The following CREBZF variants were observed in gnomAD, a reference collection of about 807,000 sequenced individuals.
The protein encoded by CREBZF is CREB/ATF bZIP transcription factor.
Under a neutral mutation model 21.1 loss-of-function variants are expected in CREBZF, and 8 were observed. The ratio of observed to expected loss-of-function variants is 0.38; its 90% CI spans 0.22 to 0.68. CREBZF has a LOEUF of 0.68. CREBZF is among the 30% of genes least tolerant of loss of function. The pLI is 0.51. For synonymous variants in CREBZF, 270 were observed against 223.3 expected (o/e 1.21, Z -1.86); for missense variants, 518 against 484.3 (o/e 1.07, Z -0.65).
upstream of CREBZF, among the ~76,000 whole-genome samples, chr11:85,669,695 G>A (rs2082898515): frequency 1.3e-5 from 2 of 152,236 alleles, no homozygotes; most frequent in African/African-American, 4.8e-5. Context: ...TCAATAGTGT[G>A]TTAAGAAATA....
At position 85,658,090 on chromosome 11, in the gene CREBZF, T is replaced by C. The variant is rs994802172; in HGVS notation, c.*5721A>G. Reference sequence around the variant, plus strand: ...TCCATTTTACCTATATTCTGTCACTTTTACTAAAAGCAGAGTTCTACTCAT... The same window carrying C: ...TCCATTTTACCTATATTCTGTCACTCTTACTAAAAGCAGAGTTCTACTCAT... On this transcript the variant is annotated 3_prime_UTR_variant, in exon 1 of 1. Transcript: ENST00000527447. 3.3e-5 allele frequency among the ~76,000 whole-genome samples: 5 copies of C among 151,976 alleles called. No homozygotes were observed. Among genetic ancestry groups the C allele is most frequent in the African/African-American group, 9.7e-5 (4 of 41,430 alleles).
In CREBZF at chr11:85,662,702, CAG is replaced by C. The variant is rs1238077433; in HGVS notation, c.*1107_*1108del. On this transcript the variant is annotated 3_prime_UTR_variant, in exon 1 of 1. Coordinates refer to ENST00000527447, the MANE Select transcript of CREBZF (RefSeq NM_001039618.4). Reference sequence around the variant, plus strand: ...AAATAGGACAAATACTTTTGAAACACAGAGAATAAGATTCTTTGTGAAGCCTC... The same window carrying C: ...AAATAGGACAAATACTTTTGAAACACAGAATAAGATTCTTTGTGAAGCCTC... 3 of 355,596 alleles carry C rather than the reference CAG, an allele frequency of 8.4e-6. No homozygotes were observed. The highest frequency in any genetic ancestry group is 1.5e-5 in the Non-Finnish European group (3 of 197,990). The allele number at this position is 355,596 out of a possible 1,614,324, so 22.0% of individuals were successfully genotyped here. A position where few individuals can be genotyped will look rare whatever the true frequency, so the allele number is the denominator to read the frequency against.
rs554497839 is a variant in CREBZF, at chr11:85,661,602, A to G, written c.*2209T>C. ...TTGACGTAAGGAAGAAAATACTCCA[A>G]CAGAATGTTATAGTTTTTAGAAAAA... On this transcript the variant is annotated 3_prime_UTR_variant, in exon 1 of 1. Coordinates refer to ENST00000527447, the MANE Select transcript of CREBZF (RefSeq NM_001039618.4). 1 of 152,748 alleles carries G rather than the reference A, an allele frequency of 6.5e-6. No individual in the cohort carries two copies. The highest frequency in any genetic ancestry group is 1.9e-4 in the East Asian group (1 of 5,194). 9.5% of individuals were successfully genotyped at this position (152,748 alleles called of 1,614,324 possible).
intron 1 of CREBZF, among the ~76,000 whole-genome samples, chr11:85,670,944 A>C (rs1478079221): frequency 6.6e-6 from 1 of 152,226 alleles, no homozygotes; most frequent in Non-Finnish European, 1.5e-5. Context: ...TATAAAAAGA[A>C]AACATTTGTA....
chr11:85,663,563 A>C lies in CREBZF; in HGVS notation c.*248T>G, dbSNP rs1337069068. ...GGAACGACTGTTCTGTAACCCCTAC[A>C]ACGGAGCCTGGCAGGAAGGAAATCA... is the stretch of plus-strand genomic sequence containing the variant. On this transcript the variant is annotated 3_prime_UTR_variant, in exon 1 of 1. Coordinates refer to ENST00000527447, the MANE Select transcript of CREBZF (RefSeq NM_001039618.4). 6.7e-7 allele frequency: 1 copy of C among 1,493,474 alleles called. No homozygotes were observed. Among genetic ancestry groups the C allele is most frequent in the South Asian group, 1.2e-5 (1 of 82,916 alleles). The allele number at this position is 1,493,474 out of a possible 1,614,324, so 92.5% of individuals were successfully genotyped here.
Position 85,662,282 on chromosome 11 carries a change from C to A in CREBZF, c.*1529G>T. 1.6e-6 allele frequency: 1 copy of A among 622,468 alleles called. No individual in the cohort carries two copies. Among genetic ancestry groups the A allele is most frequent in the South Asian group, 1.9e-5 (1 of 52,638 alleles). 38.6% of individuals were successfully genotyped at this position (622,468 alleles called of 1,614,324 possible). A position where few individuals can be genotyped will look rare whatever the true frequency, so the allele number is the denominator to read the frequency against. On this transcript the variant is annotated 3_prime_UTR_variant, in exon 1 of 1. Coordinates refer to ENST00000527447, the MANE Select transcript of CREBZF (RefSeq NM_001039618.4). The stretch of plus-strand genomic sequence containing the variant: ...ATAAAACATTTTATGTGTAAGATAA[C>A]TTACATCTTTGGACTGCTGGAAAAT...
At chr11:85,665,532 C>T (rs1468437055), upstream of CREBZF, among the ~76,000 whole-genome samples, 1 of 147,626 alleles carries the variant, frequency 6.8e-6, no homozygotes, top group Non-Finnish European at 1.5e-5. Context: ...CTATTTAATA[C>T]CTGGGCCATA....
Position 85,663,438 on chromosome 11 carries a change from AT to A in CREBZF, c.*372del. ...TTCCAAAACAGAAAAAAAAAAAAAA[AT>A]CACACACACACAAACTGAGATGTTG... On this transcript the variant is annotated 3_prime_UTR_variant, in exon 1 of 1. Transcript: ENST00000527447. 5.7e-6 allele frequency: 4 copies of A among 703,344 alleles called. No homozygotes were observed. Among genetic ancestry groups the A allele is most frequent in the Middle Eastern group, 2.4e-4 (1 of 4,176 alleles). The allele number at this position is 703,344 out of a possible 1,614,324, so 43.6% of individuals were successfully genotyped here. A position where few individuals can be genotyped will look rare whatever the true frequency, so the allele number is the denominator to read the frequency against.
intron 1 of CREBZF, among the ~76,000 whole-genome samples, chr11:85,681,497 T>C (rs1228337551): frequency 6.6e-6 from 1 of 152,222 alleles, no homozygotes; most frequent in South Asian, 2.1e-4. Context: ...CTCTCCTCTT[T>C]TCAAGCTCTC....
intron 1 of CREBZF, among the ~76,000 whole-genome samples, chr11:85,672,408 C>A (rs1224022245): frequency 6.6e-6 from 1 of 152,274 alleles, no homozygotes. Flanking sequence ...ATGCAAATTT[C>A]TGCAGCAGGC....
chr11:85,672,326 G>A (rs765781460), intron 1 of CREBZF, among the ~76,000 whole-genome samples: 2 of 152,212 alleles, frequency 1.3e-5, no homozygotes, highest in African/African-American at 2.4e-5. Context: ...GGGCTGCCTC[G>A]AAGGTCTCTA....
chr11:85,671,179 G>A (rs1055198176), intron 1 of CREBZF, among the ~76,000 whole-genome samples: 2 of 152,220 alleles, frequency 1.3e-5, no homozygotes, highest in East Asian at 3.8e-4. Flanking sequence ...CAGTAGGCAA[G>A]AGAGCATATG....
Position 85,664,851 on chromosome 11 carries a change from G to A in CREBZF, c.25C>T (p.Leu9=), listed in dbSNP as rs762320835. ...GGGGAGTTGCTGCCCGAGGCTGCCA[G>A]CAGCTTGGTCAGGCTATGCCTCATG... MRHSLTKL[L]AASGSNSPTR... The change falls in exon 1 of 1, where the codon CTG becomes TTG. Residue 9 remains leucine (L), a synonymous_variant. Transcript: ENST00000527447. The surrounding 1 kb of genome is among the most constrained non-coding windows in gnomAD (Gnocchi z 5.5). The A allele has an allele frequency of 1.2e-5, 18 of 1,523,826 alleles. No individual in the cohort carries two copies. Among genetic ancestry groups the A allele is most frequent in the Non-Finnish European group, 1.4e-5 (16 of 1,141,170 alleles). 94.4% of individuals were successfully genotyped at this position (1,523,826 alleles called of 1,614,324 possible). A position where few individuals can be genotyped will look rare whatever the true frequency, so the allele number is the denominator to read the frequency against.
At chr11:85,673,789 T>C (rs534097677) in intron 1 of CREBZF, among the ~76,000 whole-genome samples, 125 of 152,376 alleles carry the variant, frequency 8.2e-4, no homozygotes, top group Non-Finnish European at 1.4e-3. Context: ...GCGGCTGCTT[T>C]ATCAACTGAG....
intron 1 of CREBZF, among the ~76,000 whole-genome samples, chr11:85,671,652 T>C (rs2082912526): frequency 6.6e-6 from 1 of 152,222 alleles, no homozygotes; most frequent in Admixed American, 6.5e-5. Flanking sequence ...AAGTCCATAA[T>C]CCAGCAAGGC....
chr11:85,673,317 C>T (rs764353522), intron 1 of CREBZF, among the ~76,000 whole-genome samples: 1 of 152,108 alleles, frequency 6.6e-6, no homozygotes, highest in African/African-American at 2.4e-5. Context: ...TACAGGCATA[C>T]CTCGGAGATA....
Position 85,663,078 on chromosome 11 carries a change from T to C in CREBZF, c.*733A>G, listed in dbSNP as rs1380622656. 1 of 173,222 alleles carries C rather than the reference T, an allele frequency of 5.8e-6. No homozygotes were observed. The highest frequency in any genetic ancestry group is 1.3e-5 in the Non-Finnish European group (1 of 79,872). 10.7% of individuals were successfully genotyped at this position (173,222 alleles called of 1,614,324 possible). A position where few individuals can be genotyped will look rare whatever the true frequency, so the allele number is the denominator to read the frequency against. On this transcript the variant is annotated 3_prime_UTR_variant, in exon 1 of 1. Transcript: ENST00000527447. Reference sequence around the variant, plus strand: ...TCCAGCAAAATAACTATCACATTTGTGCATGCCCCAAATACTTAACTGTCA... The same window carrying C: ...TCCAGCAAAATAACTATCACATTTGCGCATGCCCCAAATACTTAACTGTCA...
At position 85,662,167 on chromosome 11, in the gene CREBZF, CCAATT is replaced by C; in HGVS notation, c.*1639_*1643del. The C allele has an allele frequency of 2.0e-6, 1 of 502,996 alleles. No homozygotes were observed. Among genetic ancestry groups the C allele is most frequent in the South Asian group, 2.4e-5 (1 of 40,860 alleles). 31.2% of individuals were successfully genotyped at this position (502,996 alleles called of 1,614,324 possible). A position where few individuals can be genotyped will look rare whatever the true frequency, so the allele number is the denominator to read the frequency against. ...GCTGTGATGCACTGGAAACCAAAGA[CCAATT>C]CAGGTCTCAAATCGTATTATCTAGC... On this transcript the variant is annotated 3_prime_UTR_variant, in exon 1 of 1. Coordinates refer to ENST00000527447, the MANE Select transcript of CREBZF (RefSeq NM_001039618.4).
chr11:85,658,235 T>G lies in CREBZF; in HGVS notation c.*5576A>C, dbSNP rs989682148. 6.6e-6 allele frequency among the ~76,000 whole-genome samples: 1 copy of G among 152,000 alleles called. No homozygotes were observed. Among genetic ancestry groups the G allele is most frequent in the Non-Finnish European group, 1.5e-5 (1 of 67,864 alleles). On this transcript the variant is annotated 3_prime_UTR_variant, in exon 1 of 1. Transcript: ENST00000527447. Reference sequence around the variant, plus strand: ...TTAGATAATTCAAAGCCCAATGATATAACTAAGTTCTTTGACGATTGAGCA... The same window carrying G: ...TTAGATAATTCAAAGCCCAATGATAGAACTAAGTTCTTTGACGATTGAGCA...
Sources: allele counts gnomAD v4.1 joint callset (sites outside exome capture counted in the v4.1 genomes callset), GRCh38; gene constraint gnomAD v4.1.1; non-coding constraint Gnocchi (gnomAD v3.1); transcripts MANE v1.5; gene names NCBI Gene and HGNC (gene_info 2026-07-23, HGNC 2026-07-21).